The following ROBO2 variants were observed in gnomAD, a reference collection of about 807,000 sequenced individuals.
The protein encoded by ROBO2 is roundabout homolog 2.
A neutral mutation model predicts 160.8 loss-of-function variants in ROBO2; 53 were observed. The observed-to-expected ratio is 0.33, with a 90% CI of 0.26 to 0.41. The LOEUF is 0.41. ROBO2 is among the 10% of genes least tolerant of loss of function. ROBO2 has a pLI of 1.00. For synonymous variants in ROBO2, 664 were observed against 611.7 expected, an observed-to-expected ratio of 1.09 and a Z score of -1.26; for missense variants, 1,577 against 1,722.4, an observed-to-expected ratio of 0.92 and a Z score of 1.49.
intron 2 of ROBO2, among the ~76,000 whole-genome samples, chr3:77,390,790 C>G (rs149279564): frequency 6.6e-6 from 1 of 152,242 alleles, no homozygotes; most frequent in Non-Finnish European, 1.5e-5. Flanking sequence ...CCTGTAAACC[C>G]TGCACTCATT....
At chr3:77,261,707 A>G (rs2058785360) in intron 2 of ROBO2, among the ~76,000 whole-genome samples, 1 of 152,060 alleles carries the variant, frequency 6.6e-6, no homozygotes, top group African/African-American at 2.4e-5. Context: ...CACAATTGGA[A>G]GAAAATCAAT....
intron 2 of ROBO2, among the ~76,000 whole-genome samples, chr3:76,702,084 A>G (rs1428503765): frequency 2.0e-5 from 3 of 152,008 alleles, no homozygotes; most frequent in African/African-American, 7.2e-5. Context: ...TCCAGAGTAT[A>G]TGACCATGTA....
At position 77,401,607 on chromosome 3, in the gene ROBO2, G is replaced by A. The variant is rs369389300; in HGVS notation, c.389-75807G>A. Among the ~76,000 whole-genome samples, 62 of 151,782 alleles carry A rather than the reference G, an allele frequency of 4.1e-4. 1 individual carries two copies. The East Asian group carries it at 5.0e-3, about 12-fold the overall frequency. On this transcript the variant is annotated intron_variant, in intron 2 of 25. Coordinates refer to ENST00000461745, the Ensembl canonical transcript of ROBO2. ...TTAGAAAGCATTGAGATATTGGACT[G>A]AGCACATCAAGGGACATATTCTGTG...
At chr3:76,462,183 T>A (rs1221415009) in intron 2 of ROBO2, among the ~76,000 whole-genome samples, 3 of 152,206 alleles carry the variant, frequency 2.0e-5, no homozygotes. Context: ...AATAAGTAGA[T>A]AAGTACAATG....
chr3:77,418,582 A>G (rs772815281), intron 2 of ROBO2, among the ~76,000 whole-genome samples: 3 of 152,068 alleles, frequency 2.0e-5, no homozygotes, highest in Non-Finnish European at 2.9e-5. Flanking sequence ...AATCTCTTTA[A>G]GAGCCACAAA....
chr3:76,217,021 C>G (rs1349283567), intron 2 of ROBO2, among the ~76,000 whole-genome samples: 1 of 152,118 alleles, frequency 6.6e-6, no homozygotes, highest in Non-Finnish European at 1.5e-5. Context: ...CAAAACCGCT[C>G]AACTACATGG....
Position 76,507,389 on chromosome 3 carries a change from A to G in ROBO2, c.109+569787A>G, listed in dbSNP as rs546306963. ...TTCTTTATGTAATTACTAAATATGA[A>G]CTTATGAGTTCTTTATAAGAAAAAC... On this transcript the variant is annotated intron_variant, in intron 2 of 26. Transcript: ENST00000487694. Among the ~76,000 whole-genome samples the G allele has an allele frequency of 1.6e-4, 24 of 152,206 alleles. 1 individual carries two copies. In the South Asian group the frequency reaches 5.0e-3, roughly 32 times the overall value.
At chr3:77,519,788 A>T (rs931833074) in intron 5 of ROBO2, among the ~76,000 whole-genome samples, 1 of 151,326 alleles carries the variant, frequency 6.6e-6, no homozygotes. Flanking sequence ...TCTTTTGGGT[A>T]TATACACGGT....
chr3:77,210,833 G>T (rs536771139), intron 2 of ROBO2, among the ~76,000 whole-genome samples: 2 of 150,926 alleles, frequency 1.3e-5, no homozygotes, highest in East Asian at 2.0e-4. Context: ...GTGAGAACAC[G>T]TGGTGTTTGG....
chr3:76,752,241 G>A (rs1333634842), intron 2 of ROBO2, among the ~76,000 whole-genome samples: 11 of 146,004 alleles, frequency 7.5e-5, no homozygotes, highest in African/African-American at 2.7e-4. Flanking sequence ...TAAACAATGA[G>A]AACACTTGGA....
intron 2 of ROBO2, among the ~76,000 whole-genome samples, chr3:77,298,874 C>T (rs568471850): frequency 1.3e-5 from 2 of 152,080 alleles, no homozygotes; most frequent in African/African-American, 4.8e-5. Flanking sequence ...ATAAGATATA[C>T]GTGTACAGAA....
At chr3:77,247,850 T>C (rs2089907444) in intron 2 of ROBO2, among the ~76,000 whole-genome samples, 1 of 152,238 alleles carries the variant, frequency 6.6e-6, no homozygotes, top group Admixed American at 6.5e-5. Context: ...ATAATACTGA[T>C]AGGAACAGGA....
chr3:76,888,689 A>G (rs778810596), intron 2 of ROBO2, among the ~76,000 whole-genome samples: 5 of 152,184 alleles, frequency 3.3e-5, no homozygotes, highest in Non-Finnish European at 7.3e-5. Context: ...CACCATCTAT[A>G]GATACATCAC....
At chr3:76,560,102 G>T (rs1347376177) in intron 2 of ROBO2, among the ~76,000 whole-genome samples, 2 of 151,926 alleles carry the variant, frequency 1.3e-5, no homozygotes, top group Non-Finnish European at 2.9e-5. Flanking sequence ...TTTTCTCCCA[G>T]TTAAAATAGA....
intron 2 of ROBO2, among the ~76,000 whole-genome samples, chr3:77,476,388 G>A (rs1045607190): frequency 2.9e-4 from 44 of 151,908 alleles, no homozygotes; most frequent in African/African-American, 9.9e-4. Flanking sequence ...GTGTGTGTGT[G>A]TGTGTGTGTG....
intron 2 of ROBO2, among the ~76,000 whole-genome samples, chr3:75,966,123 A>G (rs970897475): frequency 3.3e-5 from 5 of 151,776 alleles, no homozygotes; most frequent in Non-Finnish European, 7.4e-5. Flanking sequence ...CGTCTATAGA[A>G]GTAGCCAAAT....
At chr3:75,954,515 C>T (rs954190897) in intron 2 of ROBO2, among the ~76,000 whole-genome samples, 5 of 151,908 alleles carry the variant, frequency 3.3e-5, no homozygotes, top group African/African-American at 9.7e-5. Flanking sequence ...CTCAAACTTG[C>T]TTTAGCAAAG....
At chr3:76,612,249 CT>C (rs34656659) in intron 2 of ROBO2, among the ~76,000 whole-genome samples, 2,112 of 152,266 alleles carry the variant, frequency 0.014, 44 homozygotes, top group African/African-American at 0.046. Flanking sequence ...ATAAAATGTT[CT>C]GTAAATATCC....
chr3:77,221,434 C>T (rs547793252), intron 2 of ROBO2, among the ~76,000 whole-genome samples: 7 of 152,262 alleles, frequency 4.6e-5, no homozygotes, highest in African/African-American at 1.2e-4. Flanking sequence ...TGACACTGAT[C>T]GAATGTGAAA....
Sources: gnomAD v4.1 joint callset for allele counts (sites outside exome capture counted in the v4.1 genomes callset) on GRCh38, gnomAD v4.1.1 for gene constraint, MANE v1.5 for transcripts, NCBI Gene and HGNC (gene_info 2026-07-23, HGNC 2026-07-21) for gene names.